The following POU2F1 variants were observed in gnomAD, a reference collection of about 807,000 sequenced individuals.
POU2F1 encodes POU class 2 homeobox 1, also known as POU domain, class 2, transcription factor 1.
POU2F1 carries 16 observed loss-of-function variants against 84.9 expected under a neutral mutation model. That is an observed-to-expected ratio of 0.19 (90% CI 0.13 to 0.29). The LOEUF (loss-of-function observed/expected upper bound fraction) is 0.29, where lower values mean the gene tolerates loss of function less well. Among genes scored for constraint, POU2F1 ranks in the 10% least tolerant of loss-of-function variants. The probability of loss-of-function intolerance (pLI) is 1.00; values close to 1 mark genes in which losing one functional copy is unlikely to be tolerated. For synonymous variants in POU2F1, 368 were observed against 368.3 expected (o/e 1.00, Z 0.01); for missense variants, 738 against 942.6 (o/e 0.78, Z 2.84).
At position 167,374,240 on chromosome 1, in the gene POU2F1, T is replaced by C. The variant is rs1477989243; in HGVS notation, c.535T>C (p.Ser179Pro). The C allele has an allele frequency of 6.2e-7, 1 of 1,613,786 alleles. No individual in the cohort carries two copies. Among genetic ancestry groups the C allele is most frequent in the Non-Finnish European group, 8.5e-7 (1 of 1,179,898 alleles). Residue 179 changes from serine to proline, a missense_variant, in exon 6 of 16, where the codon TCT becomes CCT. Transcript: ENST00000367866. The part of the protein sequence containing the change: ...HSAAGATISA[S>P]AATPMTQIPL... ...TGCTGCTGGAGCCACCATCTCCGCC[T>C]CTGCTGCCACGCCCATGACGCAGAT...
intron 2 of POU2F1, among the ~76,000 whole-genome samples, chr1:167,349,041 T>C (rs1316527673): frequency 2.0e-5 from 3 of 152,202 alleles, no homozygotes; most frequent in Non-Finnish European, 4.4e-5. Context: ...AGTATGGGAA[T>C]ATGACTTTGT....
At chr1:167,291,471 T>C (rs928695274) in intron 1 of POU2F1, among the ~76,000 whole-genome samples, 2 of 152,238 alleles carry the variant, frequency 1.3e-5, no homozygotes, top group African/African-American at 4.8e-5. Flanking sequence ...TATGATTAAT[T>C]GTTCCACTTT....
intron 1 of POU2F1, among the ~76,000 whole-genome samples, chr1:167,309,096 A>G (rs942135879): frequency 1.4e-4 from 20 of 147,840 alleles, no homozygotes; most frequent in African/African-American, 5.0e-4. Context: ...AAGTGCTTCC[A>G]CTAGTGGTTT....
At chr1:167,401,273 T>C (rs1240866029) in intron 12 of POU2F1, among the ~76,000 whole-genome samples, 178 bp from the exon 13 acceptor site, 1 of 152,236 alleles carries the variant, frequency 6.6e-6, no homozygotes, top group Non-Finnish European at 1.5e-5. Context: ...TATTATTTAT[T>C]TTTAAAACCC....
intron 1 of POU2F1, among the ~76,000 whole-genome samples, chr1:167,238,381 A>G (rs962065598): frequency 1.3e-5 from 2 of 152,238 alleles, no homozygotes; most frequent in African/African-American, 4.8e-5. Context: ...ATTTATGCCC[A>G]TAAAATTTGA....
In POU2F1 at chr1:167,358,897, T is replaced by G. The variant is rs562869683; in HGVS notation, c.128-6570T>G. 1.1e-4 allele frequency among the ~76,000 whole-genome samples: 16 copies of G among 151,948 alleles called. No individual in the cohort carries two copies. The East Asian group carries it at 1.6e-3, about 15-fold the overall frequency. On this transcript the variant is annotated intron_variant, in intron 2 of 15. Transcript: ENST00000367866. ...GCCTTTTTGTTACACTTAAATTGTT[T>G]GTTTGCTCCTTCTCTCTTATTTTCT...
intron 1 of POU2F1, among the ~76,000 whole-genome samples, chr1:167,284,784 A>G (rs989751286): frequency 6.6e-6 from 1 of 152,198 alleles, no homozygotes; most frequent in Non-Finnish European, 1.5e-5. Context: ...ACTCTCATAC[A>G]TACAGTGGTA....
At chr1:167,223,816 G>A (rs934352235) in intron 1 of POU2F1, among the ~76,000 whole-genome samples, 1 of 152,148 alleles carries the variant, frequency 6.6e-6, no homozygotes, top group African/African-American at 2.4e-5. Context: ...TGGACAAAAA[G>A]CAGCAATATA....
chr1:167,289,546 G>A (rs1438558327), intron 1 of POU2F1, among the ~76,000 whole-genome samples: 3 of 152,244 alleles, frequency 2.0e-5, no homozygotes, highest in Non-Finnish European at 4.4e-5. Context: ...TCCAAAGGCT[G>A]TAAGGTGCTT....
At chr1:167,402,220 T>C (rs758392910) in intron 13 of POU2F1, among the ~76,000 whole-genome samples, 1 of 152,208 alleles carries the variant, frequency 6.6e-6, no homozygotes. Context: ...TAGTGATACA[T>C]AGTGCATAAG....
chr1:167,274,198 C>A (rs570183168), intron 1 of POU2F1, among the ~76,000 whole-genome samples: 1 of 152,136 alleles, frequency 6.6e-6, no homozygotes, highest in Admixed American at 6.5e-5. Flanking sequence ...TTATTAGTTA[C>A]GTACCCCTCC....
At chr1:167,223,246 C>G (rs957600121) in intron 1 of POU2F1, among the ~76,000 whole-genome samples, 1 of 152,170 alleles carries the variant, frequency 6.6e-6, no homozygotes, top group African/African-American at 2.4e-5. Context: ...GATCTTGGAA[C>G]TTATTCTCCT....
intron 1 of POU2F1, among the ~76,000 whole-genome samples, chr1:167,236,000 A>G (rs749227122): frequency 2.6e-5 from 4 of 152,184 alleles, no homozygotes; most frequent in Non-Finnish European, 5.9e-5. Flanking sequence ...ACAGTATTTA[A>G]TAGTGTCAGT....
intron 1 of POU2F1, among the ~76,000 whole-genome samples, chr1:167,319,855 T>C (rs1337300554): frequency 1.3e-5 from 2 of 152,182 alleles, no homozygotes; most frequent in Admixed American, 1.3e-4. Context: ...CTGTAAAAGA[T>C]GAGGAATGCA....
At chr1:167,357,653 A>G (rs1225300229) in intron 2 of POU2F1, 3 of 152,016 alleles carry the variant, frequency 2.0e-5, no homozygotes, top group Non-Finnish European at 4.4e-5. Context: ...TGCTAGGATT[A>G]CAGGTGTGAG....
intron 1 of POU2F1, among the ~76,000 whole-genome samples, chr1:167,298,342 C>A (rs1466720936): frequency 6.6e-6 from 1 of 151,848 alleles, no homozygotes; most frequent in Non-Finnish European, 1.5e-5. Context: ...TGAATTTATT[C>A]TTTAATAAAA....
At chr1:167,254,632 G>A (rs1156328877) in intron 1 of POU2F1, among the ~76,000 whole-genome samples, 1 of 152,172 alleles carries the variant, frequency 6.6e-6, no homozygotes, top group Non-Finnish European at 1.5e-5. Context: ...GTATCTTGAT[G>A]CTATAATCAG....
chr1:167,328,427 A>G (rs1358549255), intron 1 of POU2F1, among the ~76,000 whole-genome samples: 2 of 152,222 alleles, frequency 1.3e-5, no homozygotes, highest in Admixed American at 1.3e-4. Flanking sequence ...GACTAGCACC[A>G]TCTTGACAGC....
chr1:167,234,692 C>T (rs986051279), intron 1 of POU2F1, among the ~76,000 whole-genome samples: 1 of 152,174 alleles, frequency 6.6e-6, no homozygotes, highest in Non-Finnish European at 1.5e-5. Context: ...TGTGATTGTG[C>T]CACTGTTCTC....
Sources: allele counts gnomAD v4.1 joint callset (sites outside exome capture counted in the v4.1 genomes callset), GRCh38; gene constraint gnomAD v4.1.1; transcripts MANE v1.5; gene names NCBI Gene and HGNC (gene_info 2026-07-23, HGNC 2026-07-21).